MGAT4C: variants seen among roughly 807,000 people sequenced by gnomAD.
MGAT4C encodes the protein alpha-1,3-mannosyl-glycoprotein 4-beta-N-acetylglucosaminyltransferase C.
In MGAT4C, 19 loss-of-function variants were observed where a neutral mutation model predicts 40.1. That is an observed-to-expected ratio of 0.47 (90% confidence interval 0.33 to 0.70). The LOEUF is 0.70. Among genes scored for constraint, MGAT4C ranks in the 30% least tolerant of loss-of-function variants. The pLI is 0.02. For synonymous variants in MGAT4C, 181 were observed against 187.1 expected (o/e 0.97, Z 0.27); for missense variants, 491 against 563.2 (o/e 0.87, Z 1.30).
At chr12:86,009,621 G>A (rs1888257470) in intron 2 of MGAT4C, among the ~76,000 whole-genome samples, 2 of 152,040 alleles carry the variant, frequency 1.3e-5, no homozygotes, top group African/African-American at 4.8e-5. Flanking sequence ...GCCTTGTTCT[G>A]CCTCTTTTAT....
rs1281297648 is a variant in MGAT4C, at chr12:86,147,698, T to C, written c.-56-97975A>G. On this transcript the variant is annotated intron_variant, in intron 1 of 4. Coordinates refer to ENST00000611864, the MANE Select transcript of MGAT4C (RefSeq NM_001351288.2). ...TCCTTTAAAGTTGGACAAATTGCTA[T>C]AGTGTGATGGATTACTAGAGAGGAG... Among the ~76,000 whole-genome samples the C allele has an allele frequency of 2.6e-5, 4 of 152,200 alleles. No homozygotes were observed. The East Asian group carries it at 7.7e-4, about 29-fold the overall frequency.
chr12:86,504,881 T>G (rs993538583), intron 2 of MGAT4C, among the ~76,000 whole-genome samples: 1 of 152,130 alleles, frequency 6.6e-6, no homozygotes, highest in Non-Finnish European at 1.5e-5. Flanking sequence ...TCTCTTAACC[T>G]AGTGATCTGC....
At chr12:86,240,798 T>G (rs935872954) in intron 1 of MGAT4C, among the ~76,000 whole-genome samples, 2 of 152,156 alleles carry the variant, frequency 1.3e-5, no homozygotes, top group African/African-American at 4.8e-5. Flanking sequence ...AATATTGATA[T>G]GATAATTTTA....
At chr12:86,145,999 C>T (rs139361194) in intron 1 of MGAT4C, among the ~76,000 whole-genome samples, 78 of 152,152 alleles carry the variant, frequency 5.1e-4, no homozygotes, top group African/African-American at 1.8e-3. Flanking sequence ...TGAAAACAGT[C>T]TAAGACATTT....
At chr12:86,203,997 T>TATATATATATATA (rs1437540260) in intron 1 of MGAT4C, among the ~76,000 whole-genome samples, 3 of 148,698 alleles carry the variant, frequency 2.0e-5, no homozygotes, top group Non-Finnish European at 4.5e-5. Context: ...TATATATGCC[T>TATATATATATATA]TATAGCTAAC....
In MGAT4C at chr12:85,959,250, G is replaced by T. The variant is rs1882983232; in HGVS notation, c.*20039C>A. The stretch of plus-strand genomic sequence containing the variant: ...GCAACTAGAAATGTCAATCTAAAAG[G>T]CAGAAAAGCTGGAAAAATCTCATGA... On this transcript the variant is annotated 3_prime_UTR_variant, in exon 5 of 5. Coordinates refer to ENST00000611864, the MANE Select transcript of MGAT4C (RefSeq NM_001351288.2). The T allele has an allele frequency of 6.6e-6, 1 of 151,852 alleles. No individual in the cohort carries two copies. 9.4% of individuals were successfully genotyped at this position (151,852 alleles called of 1,614,324 possible).
intron 4 of MGAT4C, among the ~76,000 whole-genome samples, chr12:86,312,151 T>C (rs1954095498): frequency 6.6e-6 from 1 of 152,236 alleles, no homozygotes; most frequent in Admixed American, 6.5e-5. Flanking sequence ...TAGCTGGTCC[T>C]GCTTCTCAGG....
chr12:86,653,706 T>C (rs778429599), intron 2 of MGAT4C, among the ~76,000 whole-genome samples: 4 of 151,932 alleles, frequency 2.6e-5, no homozygotes, highest in Non-Finnish European at 5.9e-5. Context: ...TTGATGGAGG[T>C]AGAGACTTTG....
At chr12:86,409,858 G>A (rs1956567705) in intron 3 of MGAT4C, among the ~76,000 whole-genome samples, 1 of 151,766 alleles carries the variant, frequency 6.6e-6, no homozygotes, top group African/African-American at 2.4e-5. Context: ...TTTTCCCTAA[G>A]TGTTGGCCGA....
rs539754183 is a variant in MGAT4C, at chr12:86,242,803, A to G, written c.-57+13436T>C. On this transcript the variant is annotated intron_variant, in intron 1 of 4. Coordinates refer to ENST00000611864, the MANE Select transcript of MGAT4C (RefSeq NM_001351288.2). Reference sequence around the variant, plus strand: ...CTCCCCACCACATATATATACACACACATGTACACATACAACACACACCTC... The same window carrying G: ...CTCCCCACCACATATATATACACACGCATGTACACATACAACACACACCTC... Among the ~76,000 whole-genome samples, 6 of 152,176 alleles carry G rather than the reference A, an allele frequency of 3.9e-5. No individual in the cohort carries two copies. In the South Asian group the frequency reaches 1.2e-3, roughly 32 times the overall value.
At chr12:86,242,317 A>G (rs2136048364) in intron 1 of MGAT4C, among the ~76,000 whole-genome samples, 1 of 152,240 alleles carries the variant, frequency 6.6e-6, no homozygotes, top group African/African-American at 2.4e-5. Context: ...ATTCCCCTTC[A>G]GCTCACTCGC....
intron 1 of MGAT4C, among the ~76,000 whole-genome samples, chr12:86,779,728 G>A (rs1310713642): frequency 2.6e-5 from 4 of 151,918 alleles, no homozygotes; most frequent in East Asian, 1.9e-4. Flanking sequence ...CCTGGCTAAC[G>A]CGGTGAAACC....
intron 1 of MGAT4C, among the ~76,000 whole-genome samples, chr12:86,191,666 CA>C (rs1428279133): frequency 1.9e-4 from 28 of 145,418 alleles, no homozygotes; most frequent in African/African-American, 7.3e-4. Flanking sequence ...CACACACACA[CA>C]CACACACCCT....
chr12:86,392,770 GT>G (rs1280531785), intron 3 of MGAT4C, among the ~76,000 whole-genome samples: 2 of 152,132 alleles, frequency 1.3e-5, no homozygotes, highest in Non-Finnish European at 2.9e-5. Flanking sequence ...GCATAGATGT[GT>G]AAATATATGT....
At position 86,774,403 on chromosome 12, in the gene MGAT4C, C is replaced by T. The variant is rs1441892446; in HGVS notation, c.-261-47162G>A. Among the ~76,000 whole-genome samples the T allele has an allele frequency of 1.4e-5, 2 of 139,606 alleles. 1 individual carries two copies. Among genetic ancestry groups the T allele is most frequent in the African/African-American group, 5.2e-5 (2 of 38,572 alleles). The allele number at this position is 139,606 out of a possible 152,430, so 91.6% of individuals were successfully genotyped here. ...CTGTCTCTCTCTCTCTCTCCTCTCT[C>T]TCTCTCTCTCTCTCTCTCTTTCTTT... On this transcript the variant is annotated intron_variant, in intron 1 of 7. Transcript: ENST00000548651.
chr12:86,421,065 A>C (rs1170018535), intron 3 of MGAT4C, among the ~76,000 whole-genome samples: 1 of 152,016 alleles, frequency 6.6e-6, no homozygotes, highest in Non-Finnish European at 1.5e-5. Flanking sequence ...AACCAAACAA[A>C]ATTTAATGTC....
chr12:86,211,552 G>A (rs1020620969), intron 1 of MGAT4C, among the ~76,000 whole-genome samples: 3 of 151,482 alleles, frequency 2.0e-5, no homozygotes, highest in African/African-American at 7.3e-5. Flanking sequence ...GCTCCACTGT[G>A]CTGCGGGCTG....
rs1285745657 is a variant in MGAT4C, at chr12:86,285,234, TGATTCAATGAGA to T, written c.-57+48819_-57+48830del. Among the ~76,000 whole-genome samples the T allele has an allele frequency of 2.0e-5, 3 of 151,942 alleles. No individual in the cohort carries two copies. In the East Asian group the frequency reaches 5.8e-4, roughly 29 times the overall value. ...ATTTTGCTGTAGGAATGAAGGGTGTTGATTCAATGAGAGTCAGTTATGTAAGGGCCTGTTAAG... is the reference window on the plus strand; with the variant it reads ...ATTTTGCTGTAGGAATGAAGGGTGTTGTCAGTTATGTAAGGGCCTGTTAAG... On this transcript the variant is annotated intron_variant, in intron 4 of 7. Coordinates refer to the MGAT4C transcript ENST00000548651.
intron 2 of MGAT4C, among the ~76,000 whole-genome samples, chr12:86,570,378 A>C (rs1489161408): frequency 6.6e-6 from 1 of 152,126 alleles, no homozygotes; most frequent in East Asian, 1.9e-4. Context: ...TGAGAGTCTC[A>C]AATCCTTTTA....
Sources: gnomAD v4.1 joint callset for allele counts (sites outside exome capture counted in the v4.1 genomes callset) on GRCh38, gnomAD v4.1.1 for gene constraint, MANE v1.5 for transcripts, NCBI Gene and HGNC (gene_info 2026-07-23, HGNC 2026-07-21) for gene names.